TAF3: variants seen among roughly 807,000 people sequenced by gnomAD.
TAF3 encodes transcription initiation factor TFIID subunit 3.
A neutral mutation model predicts 80.6 loss-of-function variants in TAF3; 7 were observed. The ratio of observed to expected loss-of-function variants is 0.09; its 90% CI spans 0.05 to 0.16. TAF3 has a LOEUF of 0.16. Ranked by LOEUF, TAF3 falls within the 10% of genes least tolerant of loss-of-function variation. The pLI is 1.00. For missense variants in TAF3, 921 were observed against 1,140.2 expected (o/e 0.81, Z 2.77); for synonymous variants, 444 against 446.1 (o/e 1.00, Z 0.06).
chr10:7,994,043 C>T (rs1389004917), intron 4 of TAF3, among the ~76,000 whole-genome samples: 1 of 130,008 alleles, frequency 7.7e-6, no homozygotes, highest in Non-Finnish European at 1.6e-5. Flanking sequence ...CTCTCTTTCT[C>T]TGCTCCCCCT....
chr10:7,865,935 C>A (rs1342268818), intron 2 of TAF3, among the ~76,000 whole-genome samples: 1 of 152,156 alleles, frequency 6.6e-6, no homozygotes, highest in East Asian at 1.9e-4. Flanking sequence ...CTTCATCCTC[C>A]CCATCGTGTG....
chr10:7,998,018 G>A (rs1481655652), intron 4 of TAF3, among the ~76,000 whole-genome samples: 3 of 151,954 alleles, frequency 2.0e-5, no homozygotes, highest in East Asian at 1.9e-4. Flanking sequence ...TTTTAAAACT[G>A]TTTTCGGTCA....
intron 1 of TAF3, among the ~76,000 whole-genome samples, chr10:7,819,581 G>A (rs1330817764): frequency 6.6e-6 from 1 of 152,152 alleles, no homozygotes; most frequent in African/African-American, 2.4e-5. Flanking sequence ...GTACTTATGA[G>A]TTTTAAATGA....
rs1358515265 is a variant in TAF3 at position 7,929,928 on chromosome 10, G to A, written c.410-33992G>A. Reference sequence around the variant, plus strand: ...TTCAAGATACAGGCTAGGGCCAGGCGTGGTGGCTCACACCTATAATTCCAG... The same window carrying A: ...TTCAAGATACAGGCTAGGGCCAGGCATGGTGGCTCACACCTATAATTCCAG... On this transcript the variant is annotated intron_variant, in intron 2 of 6. Coordinates refer to ENST00000344293, the MANE Select transcript of TAF3 (RefSeq NM_031923.4). Among the ~76,000 whole-genome samples the A allele has an allele frequency of 6.6e-5, 10 of 152,290 alleles. 1 individual carries two copies. Among genetic ancestry groups the A allele is most frequent in the African/African-American group, 1.9e-4 (8 of 41,564 alleles).
At chr10:7,985,740 T>C (rs992769245) in intron 4 of TAF3, among the ~76,000 whole-genome samples, 3 of 152,076 alleles carry the variant, frequency 2.0e-5, no homozygotes, top group African/African-American at 7.2e-5. Flanking sequence ...CCTTTGATTT[T>C]TGTGGTACTA....
At chr10:7,925,422 A>G (rs1018041453) in intron 2 of TAF3, among the ~76,000 whole-genome samples, 5 of 152,242 alleles carry the variant, frequency 3.3e-5, no homozygotes, top group Non-Finnish European at 5.9e-5. Context: ...CAATGGTAAT[A>G]TGGAGGTGTT....
intron 2 of TAF3, among the ~76,000 whole-genome samples, chr10:7,880,446 G>A (rs1173749912): frequency 6.6e-6 from 1 of 152,148 alleles, no homozygotes; most frequent in Non-Finnish European, 1.5e-5. Flanking sequence ...TAAGAAATAT[G>A]CAGCTATCCT....
chr10:7,937,035 G>A (rs1156387125), intron 2 of TAF3, among the ~76,000 whole-genome samples: 9 of 152,054 alleles, frequency 5.9e-5, no homozygotes, highest in Non-Finnish European at 1.2e-4. Flanking sequence ...TCTTTTTAGT[G>A]CTGAATAATA....
intron 2 of TAF3, among the ~76,000 whole-genome samples, chr10:7,824,761 T>C (rs1478176540): frequency 6.6e-6 from 1 of 152,232 alleles, no homozygotes; most frequent in Admixed American, 6.5e-5. Flanking sequence ...ATCAAGGTCA[T>C]GTCTGAAGCA....
chr10:7,844,452 C>T lies in TAF3; in HGVS notation c.409+19892C>T, dbSNP rs570826430. ...AGTGCAGTGGCGCGATCTCGGCTCACTGCAACCTCCGCCTCCTGGGTTCAA... is the reference window on the plus strand; with the variant it reads ...AGTGCAGTGGCGCGATCTCGGCTCATTGCAACCTCCGCCTCCTGGGTTCAA... On this transcript the variant is annotated intron_variant, in intron 2 of 6. Transcript: ENST00000344293. Among the ~76,000 whole-genome samples the T allele has an allele frequency of 7.9e-5, 12 of 151,056 alleles. No individual in the cohort carries two copies. The East Asian group carries it at 2.0e-3, about 25-fold the overall frequency.
intron 5 of TAF3, among the ~76,000 whole-genome samples, chr10:8,011,904 A>C (rs376384272): frequency 1.3e-5 from 2 of 152,092 alleles, no homozygotes; most frequent in African/African-American, 2.4e-5. Context: ...CTGGCTGTGC[A>C]TGGTGTCTCA....
chr10:7,985,089 A>G lies in TAF3; in HGVS notation c.2315+7766A>G, dbSNP rs115223384. 7.9e-3 allele frequency among the ~76,000 whole-genome samples: 1,196 copies of G among 152,306 alleles called. 18 individuals are homozygous for G. The highest frequency in any genetic ancestry group is 0.026 in the African/African-American group (1,093 of 41,548). On this transcript the variant is annotated intron_variant, in intron 4 of 6. Transcript: ENST00000344293. ...CTTCGCTTTTCCCACGCCTGCCTGC[A>G]TAGCTTCTAGAGTGAATATCCACGT... is the stretch of plus-strand genomic sequence containing the variant.
At chr10:7,880,204 C>G (rs112252408) in intron 2 of TAF3, among the ~76,000 whole-genome samples, 1,665 of 152,192 alleles carry the variant, frequency 0.011, 20 homozygotes, top group Middle Eastern at 0.031. Context: ...ACTCACTGCT[C>G]TCCAGCCTGG....
intron 2 of TAF3, among the ~76,000 whole-genome samples, chr10:7,859,034 G>A (rs1328162741): frequency 2.6e-5 from 4 of 151,980 alleles, no homozygotes; most frequent in East Asian, 1.9e-4. Context: ...AGGCTGAGGC[G>A]GGCAGATCAC....
At chr10:7,970,737 G>A (rs182221515) in intron 3 of TAF3, among the ~76,000 whole-genome samples, 2 of 152,256 alleles carry the variant, frequency 1.3e-5, no homozygotes, top group Admixed American at 1.3e-4. Flanking sequence ...AAATTTTAAT[G>A]TTTCTTTATC....
At chr10:7,953,124 C>G (rs540348185) in intron 2 of TAF3, among the ~76,000 whole-genome samples, 1 of 152,196 alleles carries the variant, frequency 6.6e-6, no homozygotes, top group South Asian at 2.1e-4. Context: ...GGTAGTAATA[C>G]CCCGTGTTCT....
chr10:7,959,000 C>T (rs1244089725), intron 2 of TAF3, among the ~76,000 whole-genome samples: 3 of 151,972 alleles, frequency 2.0e-5, no homozygotes, highest in African/African-American at 4.8e-5. Context: ...ATTAGCCGGG[C>T]GTGGTGACGG....
intron 2 of TAF3, among the ~76,000 whole-genome samples, chr10:7,853,652 A>C (rs12570395): frequency 6.6e-6 from 1 of 152,092 alleles, no homozygotes; most frequent in African/African-American, 2.4e-5. Context: ...GAGGTCAGCA[A>C]ACTGCCTGGC....
chr10:7,975,070 CAAAAAAA>C (rs35755700), intron 3 of TAF3: 15 of 175,856 alleles, frequency 8.5e-5, no homozygotes, highest in South Asian at 2.8e-4. Flanking sequence ...GACTCTGTCT[CAAAAAAA>C]AAAAAAAAAA....
Sources: allele counts gnomAD v4.1 joint callset (sites outside exome capture counted in the v4.1 genomes callset), GRCh38; gene constraint gnomAD v4.1.1; transcripts MANE v1.5; gene names NCBI Gene and HGNC (gene_info 2026-07-23, HGNC 2026-07-21).